STXBP4: variants seen among roughly 807,000 people sequenced by gnomAD.
STXBP4 encodes syntaxin binding protein 4, also known as syntaxin-binding protein 4.
In STXBP4, 55 loss-of-function variants were observed where a neutral mutation model predicts 76.1. That is an observed-to-expected ratio of 0.72 (90% confidence interval 0.58 to 0.91). The LOEUF (loss-of-function observed/expected upper bound fraction) is 0.91. Ranked by LOEUF, STXBP4 falls within the 40% of genes least tolerant of loss-of-function variation. The pLI, the probability that STXBP4 is intolerant of heterozygous loss-of-function variation, is 0.00. For synonymous variants in STXBP4, 201 were observed against 220.2 expected (o/e 0.91, Z 0.77); for missense variants, 618 against 636.9 (o/e 0.97, Z 0.32).
At chr17:55,092,999 T>C (rs1040501541) in intron 16 of STXBP4, among the ~76,000 whole-genome samples, 1 of 151,904 alleles carries the variant, frequency 6.6e-6, no homozygotes, top group Non-Finnish European at 1.5e-5. Context: ...TTGTTTTTTG[T>C]TTTTTGTTTT....
chr17:55,151,730 T>C (rs1436987042), intron 17 of STXBP4, among the ~76,000 whole-genome samples: 1 of 152,226 alleles, frequency 6.6e-6, no homozygotes, highest in Non-Finnish European at 1.5e-5. Context: ...TATTTGTCTT[T>C]AGTAAAGTTT....
At chr17:55,070,424 G>A (rs551274943) in intron 12 of STXBP4, among the ~76,000 whole-genome samples, 12 of 152,208 alleles carry the variant, frequency 7.9e-5, no homozygotes, top group African/African-American at 2.9e-4. Flanking sequence ...TGGTGTGGTA[G>A]GCTAGGTTAA....
At chr17:54,970,835 T>G (rs915629172) in intron 1 of STXBP4, among the ~76,000 whole-genome samples, 1 of 152,218 alleles carries the variant, frequency 6.6e-6, no homozygotes, top group African/African-American at 2.4e-5. Flanking sequence ...AATGAAACTC[T>G]TATGTACAGT....
At chr17:55,151,630 A>G (rs1381438908) in intron 17 of STXBP4, among the ~76,000 whole-genome samples, 4 of 152,270 alleles carry the variant, frequency 2.6e-5, no homozygotes, top group African/African-American at 9.6e-5. Flanking sequence ...CATTTCAAAG[A>G]CTAAAAATTC....
rs2078839688 is a variant in STXBP4 at position 55,050,033 on chromosome 17, A to T, written c.1011+2879A>T. On this transcript the variant is annotated intron_variant, in intron 12 of 17. Coordinates refer to ENST00000376352, the MANE Select transcript of STXBP4 (RefSeq NM_178509.6). The stretch of plus-strand genomic sequence containing the variant: ...TATAGCGTTGATGTATAAACTTAAT[A>T]AAAATGGCACAAAAAAGAAGATACA... Among the ~76,000 whole-genome samples, 2 of 152,132 alleles carry T rather than the reference A, an allele frequency of 1.3e-5. 1 individual carries two copies. The highest frequency in any genetic ancestry group is 4.1e-4 in the South Asian group (2 of 4,834).
At chr17:55,012,361 C>T (rs2078131173) in intron 8 of STXBP4, among the ~76,000 whole-genome samples, 1 of 152,130 alleles carries the variant, frequency 6.6e-6, no homozygotes, top group Non-Finnish European at 1.5e-5. Context: ...AGTAGGGTTC[C>T]TTCTATAAGC....
At chr17:55,005,984 T>C (rs1001100582) in intron 7 of STXBP4, among the ~76,000 whole-genome samples, 7 of 152,116 alleles carry the variant, frequency 4.6e-5, no homozygotes, top group Non-Finnish European at 1.0e-4. Context: ...TGCATACCCA[T>C]ATATGTATAT....
intron 16 of STXBP4, among the ~76,000 whole-genome samples, chr17:55,101,196 A>C (rs1199730197): frequency 1.3e-5 from 2 of 152,160 alleles, no homozygotes; most frequent in African/African-American, 4.8e-5. Flanking sequence ...AATGACCTTC[A>C]CAGTGGCAAG....
At chr17:55,176,630 T>G (rs1388859629), downstream of STXBP4, among the ~76,000 whole-genome samples, 1 of 152,226 alleles carries the variant, frequency 6.6e-6, no homozygotes, top group Non-Finnish European at 1.5e-5. Context: ...ATTTTATGTG[T>G]CAGTTTTACT....
chr17:55,032,911 A>G (rs114595279), intron 9 of STXBP4, among the ~76,000 whole-genome samples: 1,617 of 152,284 alleles, frequency 0.011, 26 homozygotes, highest in African/African-American at 0.036. Context: ...TTACACACAC[A>G]AAATTTCCAA....
intron 12 of STXBP4, among the ~76,000 whole-genome samples, chr17:55,069,979 G>GT (rs1385573026): frequency 6.6e-6 from 1 of 151,846 alleles, no homozygotes; most frequent in Non-Finnish European, 1.5e-5. Context: ...AAAATGGAGA[G>GT]TGAAGCAGCC....
intron 11 of STXBP4, among the ~76,000 whole-genome samples, chr17:55,044,937 A>G (rs2078765434): frequency 6.6e-6 from 1 of 151,904 alleles, no homozygotes; most frequent in Admixed American, 6.6e-5. Flanking sequence ...AATTCTTTTC[A>G]ATAACTGTCC....
chr17:55,137,152 T>C (rs2080038586), intron 16 of STXBP4, among the ~76,000 whole-genome samples: 1 of 152,152 alleles, frequency 6.6e-6, no homozygotes, highest in African/African-American at 2.4e-5. Flanking sequence ...GAACATTACA[T>C]ATGGATTCAG....
chr17:55,085,116 C>A, intron 16 of STXBP4, among the ~76,000 whole-genome samples: 1 of 151,844 alleles, frequency 6.6e-6, no homozygotes, highest in South Asian at 2.1e-4. Flanking sequence ...GAACAAAAAA[C>A]CAAACACCGC....
At chr17:55,200,629 A>T in the STXBP4 span, among the ~76,000 whole-genome samples, 2 of 152,184 alleles carry the variant, frequency 1.3e-5, no homozygotes, top group Admixed American at 6.5e-5. Context: ...TATCTAATTC[A>T]CTGGTCTTTC....
intron 15 of STXBP4, among the ~76,000 whole-genome samples, chr17:55,079,786 A>G (rs2079233967): frequency 6.6e-6 from 1 of 152,192 alleles, no homozygotes; most frequent in South Asian, 2.1e-4. Context: ...CAAAAAGTAA[A>G]TAAATACTCT....
At chr17:55,060,891 A>G (rs921342757) in intron 12 of STXBP4, among the ~76,000 whole-genome samples, 3 of 152,190 alleles carry the variant, frequency 2.0e-5, no homozygotes, top group South Asian at 2.1e-4. Context: ...TCAGCATAGT[A>G]TTATGACCTA....
intron 8 of STXBP4, among the ~76,000 whole-genome samples, chr17:55,008,005 A>G (rs2078040001): frequency 6.6e-6 from 1 of 152,210 alleles, no homozygotes; most frequent in African/African-American, 2.4e-5. Context: ...ACAAAATTTT[A>G]AAGAACAAAA....
intron 4 of STXBP4, among the ~76,000 whole-genome samples, chr17:54,995,669 A>G (rs2077790010): frequency 1.3e-5 from 2 of 152,198 alleles, no homozygotes. Context: ...GGAGCATAGC[A>G]CTGGAACCAG....
Sources: allele counts gnomAD v4.1 joint callset (sites outside exome capture counted in the v4.1 genomes callset), GRCh38; gene constraint gnomAD v4.1.1; transcripts MANE v1.5; gene names NCBI Gene and HGNC (gene_info 2026-07-23, HGNC 2026-07-21).